The following ZNF296 variants were observed in gnomAD, a reference collection of about 807,000 sequenced individuals.
ZNF296 encodes zinc finger protein 342.
ZNF296 carries 1 observed loss-of-function variant against 13.2 expected under a neutral mutation model. The ratio of observed to expected loss-of-function variants is 0.08; its 90% CI spans 0.03 to 0.36. The LOEUF is 0.36. Among genes scored for constraint, ZNF296 ranks in the 10% least tolerant of loss-of-function variants. The probability of loss-of-function intolerance (pLI) is 0.99; values close to 1 mark genes in which losing one functional copy is unlikely to be tolerated. For synonymous variants in ZNF296, 303 were observed against 289.0 expected, an observed-to-expected ratio of 1.05 and a Z score of -0.49; for missense variants, 555 against 688.2, an observed-to-expected ratio of 0.81 and a Z score of 2.16.
intron 2 of ZNF296, among the ~76,000 whole-genome samples, chr19:45,073,687 G>A (rs915729300): frequency 6.6e-6 from 1 of 151,562 alleles, no homozygotes; most frequent in Non-Finnish European, 1.5e-5. Flanking sequence ...GATTATAGGC[G>A]TGAGCCACCA....
chr19:45,076,117 T>A lies in ZNF296; in HGVS notation c.257A>T (p.Asn86Ile), dbSNP rs770183398. The A allele has an allele frequency of 6.4e-7, 1 of 1,570,128 alleles. No individual in the cohort carries two copies. The highest frequency in any genetic ancestry group is 2.3e-5 in the East Asian group (1 of 43,912). Residue 86 changes from asparagine to isoleucine, a missense_variant, in exon 1 of 3, where the codon AAC becomes ATC. Transcript: ENST00000303809. This position sits in a 1 kb window ranked among gnomAD's most constrained non-coding sequence, Gnocchi z 4.9. ...GAALLALGPR[N>I]PWTLWTPLTP... ...CAACGGCGTCCACAGGGTCCACGGGTTCCGCGGGCCGAGGGCGAGGAGGGC... is the reference window on the plus strand; with the variant it reads ...CAACGGCGTCCACAGGGTCCACGGGATCCGCGGGCCGAGGGCGAGGAGGGC...
intron 2 of ZNF296, among the ~76,000 whole-genome samples, chr19:45,073,405 C>T (rs535240004): frequency 2.1e-5 from 3 of 144,158 alleles, no homozygotes; most frequent in Non-Finnish European, 4.5e-5. Flanking sequence ...GAGCCTTGCT[C>T]TGTCGCCCAG....
chr19:45,072,711 G>T, intron 2 of ZNF296, 131 bp from the exon 3 acceptor site: 1 of 1,202,374 alleles, frequency 8.3e-7, no homozygotes, highest in Non-Finnish European at 1.1e-6. Flanking sequence ...GGACCAGGAA[G>T]CTGACGCTCA....
intron 2 of ZNF296, among the ~76,000 whole-genome samples, chr19:45,073,986 C>T (rs1967300688): frequency 6.6e-6 from 1 of 151,382 alleles, no homozygotes; most frequent in Non-Finnish European, 1.5e-5. Context: ...CCCACCACTG[C>T]ACTCCAGCCT....
intron 2 of ZNF296, among the ~76,000 whole-genome samples, chr19:45,074,879 C>A (rs996544066): frequency 6.6e-6 from 1 of 152,196 alleles, no homozygotes. Flanking sequence ...GCTCGCTCCT[C>A]CAGGCCACTC....
At position 45,076,265 on chromosome 19, in the gene ZNF296, C is replaced by T. The variant is rs143782397; in HGVS notation, c.109G>A (p.Glu37Lys). The T allele has an allele frequency of 2.0e-5, 30 of 1,496,910 alleles. No individual in the cohort carries two copies. Among genetic ancestry groups the T allele is most frequent in the African/African-American group, 5.8e-5 (4 of 68,424 alleles). The allele number at this position is 1,496,910 out of a possible 1,614,324, so 92.7% of individuals were successfully genotyped here. ...GCCTGTTGGGGCTGCGCGTCTGGCTCGGGCTTGAGTTCGATGACGAGGTCC... is the reference window on the plus strand; with the variant it reads ...GCCTGTTGGGGCTGCGCGTCTGGCTTGGGCTTGAGTTCGATGACGAGGTCC... ...MQDLVIELKP[E>K]PDAQPQQAPR... The change falls in exon 1 of 3, where the codon GAG becomes AAG. Residue 37 changes from glutamate (E) to lysine (K), a missense_variant. Glu to Lys is a moderately conservative substitution (Grantham distance 56). This residue lies in a region of ZNF296 where 137 missense variants were observed against 121.9 expected (regional missense o/e 1.12). Transcript: ENST00000303809. The surrounding 1 kb of genome is among the most constrained non-coding windows in gnomAD (Gnocchi z 4.9).
chr19:45,073,101 C>T (rs1568425955), intron 2 of ZNF296, among the ~76,000 whole-genome samples: 2 of 152,142 alleles, frequency 1.3e-5, no homozygotes, highest in African/African-American at 4.8e-5. Flanking sequence ...TAAGCGCTTC[C>T]TACATGCTAG....
rs1484456171 is a variant in ZNF296 at position 45,071,650 on chromosome 19, A to C, written c.1379T>G (p.Leu460Arg). 23 of 1,546,210 alleles carry C rather than the reference A, an allele frequency of 1.5e-5. No homozygotes were observed. Among genetic ancestry groups the C allele is most frequent in the Non-Finnish European group, 1.9e-5 (22 of 1,148,972 alleles). Residue 460 changes from leucine to arginine, a missense_variant, in exon 3 of 3, where the codon CTG becomes CGG. Transcript: ENST00000303809. ...CHVPFGLRAT[L>R]DKHLRQKHPE... ...GTGCTTCTGCCGCAGGTGTTTGTCC[A>C]GGGTGGCTCGCAGGCCGAAGGGCAC... is the stretch of plus-strand genomic sequence containing the variant.
chr19:45,074,866 C>G (rs1262472683), intron 2 of ZNF296, among the ~76,000 whole-genome samples: 1 of 152,180 alleles, frequency 6.6e-6, no homozygotes, highest in Non-Finnish European at 1.5e-5. Flanking sequence ...ATCACAGCCC[C>G]TCGCTCGCTC....
chr19:45,073,142 C>A (rs569785250), intron 2 of ZNF296, among the ~76,000 whole-genome samples: 58 of 152,148 alleles, frequency 3.8e-4, no homozygotes, highest in Admixed American at 5.9e-4. Flanking sequence ...GCCCGGCTTT[C>A]CCTCAGGACA....
chr19:45,075,966 A>T (rs1343177380), intron 1 of ZNF296, 104 bp from the exon 2 acceptor site: 1 of 1,583,594 alleles, frequency 6.3e-7, no homozygotes, highest in African/African-American at 1.3e-5. Context: ...CCTGAGGGGC[A>T]GGACGGGGCG....
chr19:45,073,439 C>A lies in ZNF296; in HGVS notation c.449-859G>T, dbSNP rs556978872. Among the ~76,000 whole-genome samples the A allele has an allele frequency of 6.7e-5, 10 of 149,532 alleles. No homozygotes were observed. In the East Asian group the frequency reaches 2.0e-3, roughly 30 times the overall value. On this transcript the variant is annotated intron_variant, in intron 2 of 2. Transcript: ENST00000303809. The stretch of plus-strand genomic sequence containing the variant: ...AGGCTGCAGTGCAGTGGCGCGATCT[C>A]GGCTCACTGCAAGCTCTGCCTCCGG...
In ZNF296 at chr19:45,071,505, A is replaced by T. The variant is rs1967253358; in HGVS notation, c.*96T>A. ...AGCCAGAGTCCAGACGGGTGTAAAT[A>T]AAAGGGAAAATTTACTTGGAGAAGG... On this transcript the variant is annotated 3_prime_UTR_variant, in exon 3 of 3. Coordinates refer to ENST00000303809, the MANE Select transcript of ZNF296 (RefSeq NM_145288.3). 6.8e-7 allele frequency: 1 copy of T among 1,478,784 alleles called. No individual in the cohort carries two copies. The highest frequency in any genetic ancestry group is 2.3e-5 in the Admixed American group (1 of 43,080). 91.6% of individuals were successfully genotyped at this position (1,478,784 alleles called of 1,614,324 possible).
intron 2 of ZNF296, among the ~76,000 whole-genome samples, chr19:45,075,361 A>G (rs1358061540): frequency 2.0e-5 from 3 of 151,894 alleles, no homozygotes; most frequent in Non-Finnish European, 4.4e-5. Flanking sequence ...GTCCCCTCCT[A>G]CTGCCACCCT....
chr19:45,073,373 ATTT>A (rs113101222), intron 2 of ZNF296, among the ~76,000 whole-genome samples: 5 of 129,718 alleles, frequency 3.9e-5, no homozygotes, highest in Non-Finnish European at 6.6e-5. Flanking sequence ...TGCCCAGGCT[ATTT>A]TTTTTTTTTT....
rs531463168 is a variant in ZNF296 at position 45,072,556 on chromosome 19, C to T, written c.473G>A (p.Ser158Asn). 648 of 1,606,356 alleles carry T rather than the reference C, an allele frequency of 4.0e-4. 2 individuals carry two copies. In the South Asian group the frequency reaches 6.2e-3, roughly 15 times the overall value. ...GSEREELKAL[S>N]CLRCGKQFTV... ...GAACTGTTTGCCACAGCGCAGGCAG[C>T]TCAAGGCCTTCAGCTCCTCTCGTTC... The change falls in exon 3 of 3, where the codon AGC becomes AAC. Residue 158 changes from serine (S) to asparagine (N), a missense_variant. Physicochemically the swap from Ser to Asn is conservative, Grantham distance 46. Coordinates refer to ENST00000303809, the MANE Select transcript of ZNF296 (RefSeq NM_145288.3).
Position 45,075,745 on chromosome 19 carries a change from A to G in ZNF296, c.416T>C (p.Leu139Pro), listed in dbSNP as rs780653589. Residue 139 changes from leucine (L) to proline (P), a missense_variant, in exon 2 of 3, where the codon CTC becomes CCC. Leu to Pro is a moderately conservative substitution (Grantham distance 98, BLOSUM62 -3). This residue lies in a region of ZNF296 where 410 missense variants were observed against 548.0 expected (regional missense o/e 0.75). Coordinates refer to ENST00000303809, the MANE Select transcript of ZNF296 (RefSeq NM_145288.3). Reference protein sequence around the residue: ...FMDHKKLGCQLFRGPSRGQGS... With the variant: ...FMDHKKLGCQPFRGPSRGQGS... ...CTGGCCGCGGCTGGGGCCTCTGAAG[A>G]GCTGACAGCCCAGCTTCTTGTGGTC... 1.2e-6 allele frequency: 2 copies of G among 1,613,986 alleles called. No homozygotes were observed. Among genetic ancestry groups the G allele is most frequent in the Admixed American group, 3.3e-5 (2 of 60,022 alleles).
In ZNF296 at chr19:45,076,355, C is replaced by G. The variant is rs1292685773; in HGVS notation, c.19G>C (p.Gly7Arg). Residue 7 changes from glycine (G) to arginine (R), a missense_variant, in exon 1 of 3, where the codon GGC (glycine) becomes CGC (arginine). Transcript: ENST00000303809. The surrounding 1 kb of genome is among the most constrained non-coding windows in gnomAD (Gnocchi z 4.9). MSRRKA[G>R]SAPRRVEPAP... Reference sequence around the variant, plus strand: ...GGCTCTACTCGGCGGGGCGCGCTGCCGGCCTTGCGGCGGGACATGAGTCGC... The same window carrying G: ...GGCTCTACTCGGCGGGGCGCGCTGCGGGCCTTGCGGCGGGACATGAGTCGC... 7.4e-7 allele frequency: 1 copy of G among 1,348,920 alleles called. No homozygotes were observed. Among genetic ancestry groups the G allele is most frequent in the Non-Finnish European group, 9.5e-7 (1 of 1,048,118 alleles). The allele number at this position is 1,348,920 out of a possible 1,614,324, so 83.6% of individuals were successfully genotyped here.
At position 45,071,508 on chromosome 19, in the gene ZNF296, A is replaced by C; in HGVS notation, c.*93T>G. 4.0e-6 allele frequency: 6 copies of C among 1,481,672 alleles called. No individual in the cohort carries two copies. The South Asian group carries it at 8.3e-5, about 20-fold the overall frequency. 91.8% of individuals were successfully genotyped at this position (1,481,672 alleles called of 1,614,324 possible). On this transcript the variant is annotated 3_prime_UTR_variant, in exon 3 of 3. Coordinates refer to ENST00000303809, the MANE Select transcript of ZNF296 (RefSeq NM_145288.3). ...CAGAGTCCAGACGGGTGTAAATAAA[A>C]GGGAAAATTTACTTGGAGAAGGCGG...
Sources: allele counts gnomAD v4.1 joint callset (sites outside exome capture counted in the v4.1 genomes callset), GRCh38; gene constraint gnomAD v4.1.1; regional missense constraint gnomAD v4.1.1; non-coding constraint Gnocchi (gnomAD v3.1); transcripts MANE v1.5; gene names NCBI Gene and HGNC (gene_info 2026-07-23, HGNC 2026-07-21).